HPSE2: variants seen among roughly 807,000 people sequenced by gnomAD.
HPSE2 encodes the protein heparanase 2 (inactive), also known as inactive heparanase-2.
Under a neutral mutation model 60.5 loss-of-function variants are expected in HPSE2, and 38 were observed. That is an observed-to-expected ratio of 0.63 (90% CI 0.48 to 0.82). The LOEUF (loss-of-function observed/expected upper bound fraction) is 0.82, where lower values mean the gene tolerates loss of function less well. Among genes scored for constraint, HPSE2 ranks in the 40% least tolerant of loss-of-function variants. The pLI, the probability that HPSE2 is intolerant of heterozygous loss-of-function variation, is 0.00. For synonymous variants in HPSE2, 295 were observed against 293.2 expected, an observed-to-expected ratio of 1.01 and a Z score of -0.06; for missense variants, 713 against 740.4, an observed-to-expected ratio of 0.96 and a Z score of 0.43.
chr10:98,759,270 T>C (rs1012354471), intron 3 of HPSE2, among the ~76,000 whole-genome samples: 1 of 152,052 alleles, frequency 6.6e-6, no homozygotes, highest in Non-Finnish European at 1.5e-5. Flanking sequence ...ATAATTTGTA[T>C]GCCAAATACT....
intron 3 of HPSE2, among the ~76,000 whole-genome samples, chr10:98,882,735 A>G (rs1953058637): frequency 6.6e-6 from 1 of 152,112 alleles, no homozygotes; most frequent in Non-Finnish European, 1.5e-5. Context: ...GGATAAATGT[A>G]AAATATTTTA....
At chr10:99,172,880 A>AAAG (rs145841727) in intron 2 of HPSE2, among the ~76,000 whole-genome samples, 1 of 151,992 alleles carries the variant, frequency 6.6e-6, no homozygotes, top group East Asian at 1.9e-4. Context: ...TGTCTCAAAA[A>AAAG]AAGAAGAAGA....
chr10:99,199,240 C>A (rs920368576), intron 2 of HPSE2, among the ~76,000 whole-genome samples: 1 of 152,086 alleles, frequency 6.6e-6, no homozygotes, highest in Non-Finnish European at 1.5e-5. Context: ...TTTTAAGGAA[C>A]TTCCATACTG....
intron 2 of HPSE2, among the ~76,000 whole-genome samples, chr10:99,208,025 ATAT>A (rs1165518642): frequency 8.1e-5 from 12 of 148,640 alleles, no homozygotes; most frequent in Non-Finnish European, 1.8e-4. Context: ...TAGTATAATT[ATAT>A]TATAATATAA....
intron 2 of HPSE2, among the ~76,000 whole-genome samples, chr10:99,199,821 C>CA (rs1051014835): frequency 1.3e-5 from 2 of 152,028 alleles, no homozygotes; most frequent in African/African-American, 4.8e-5. Context: ...AGAAAAACAA[C>CA]AGACATTGAG....
At chr10:98,745,363 A>C (rs1341922125) in intron 3 of HPSE2, among the ~76,000 whole-genome samples, 3 of 152,006 alleles carry the variant, frequency 2.0e-5, no homozygotes, top group Non-Finnish European at 2.9e-5. Context: ...ACTTACTATA[A>C]TCTCTGTACT....
chr10:98,531,163 TA>T (rs1943119788), intron 9 of HPSE2, among the ~76,000 whole-genome samples: 1 of 152,028 alleles, frequency 6.6e-6, no homozygotes, highest in African/African-American at 2.4e-5. Context: ...TCAAAAGCAA[TA>T]GGTGCTAAAA....
chr10:98,812,045 G>A (rs1394443485), intron 3 of HPSE2, among the ~76,000 whole-genome samples: 1 of 152,014 alleles, frequency 6.6e-6, no homozygotes, highest in Admixed American at 6.6e-5. Flanking sequence ...GTTAGTTCCA[G>A]CGACATTTTT....
chr10:98,650,551 TTGAG>T (rs893661709), intron 6 of HPSE2, among the ~76,000 whole-genome samples: 25 of 152,328 alleles, frequency 1.6e-4, no homozygotes, highest in Middle Eastern at 3.4e-3. Context: ...TTTGAATTGA[TTGAG>T]TGTCTACCAG....
chr10:98,742,323 ATTCTT>A (rs1215928027), intron 4 of HPSE2, among the ~76,000 whole-genome samples: 1 of 152,166 alleles, frequency 6.6e-6, no homozygotes, highest in Non-Finnish European at 1.5e-5. Context: ...TTGGACATTT[ATTCTT>A]TTCTTCCCTT....
chr10:98,712,484 C>A (rs1948698517), intron 5 of HPSE2, among the ~76,000 whole-genome samples: 2 of 152,002 alleles, frequency 1.3e-5, no homozygotes, highest in South Asian at 4.2e-4. Context: ...TTCATACCTA[C>A]CCATGCTTTG....
the HPSE2 span, among the ~76,000 whole-genome samples, chr10:99,313,275 T>C: frequency 0.027 from 4,159 of 152,260 alleles, 190 homozygotes; most frequent in African/African-American, 0.095. Context: ...TAGAAGCTGA[T>C]TTCAATGCTC....
At position 98,474,334 on chromosome 10, in the gene HPSE2, C is replaced by T. The variant is rs373625934; in HGVS notation, c.1613+8302G>A. Among the ~76,000 whole-genome samples, 14 of 152,114 alleles carry T rather than the reference C, an allele frequency of 9.2e-5. No individual in the cohort carries two copies. The East Asian group carries it at 1.2e-3, about 13-fold the overall frequency. On this transcript the variant is annotated intron_variant, in intron 11 of 11. Coordinates refer to ENST00000370552, the MANE Select transcript of HPSE2 (RefSeq NM_021828.5). ...AGGTATCATTAGTGAGAGATTGTGGCGGGTCAGGTGGGTGGCCAGTTCACC... is the reference window on the plus strand; with the variant it reads ...AGGTATCATTAGTGAGAGATTGTGGTGGGTCAGGTGGGTGGCCAGTTCACC...
At chr10:98,886,678 G>A (rs934751819) in intron 3 of HPSE2, among the ~76,000 whole-genome samples, 1 of 152,110 alleles carries the variant, frequency 6.6e-6, no homozygotes, top group Non-Finnish European at 1.5e-5. Flanking sequence ...AAGGCTTAGT[G>A]CAAAATACTG....
chr10:98,717,048 A>G (rs971060354), intron 5 of HPSE2, among the ~76,000 whole-genome samples: 1 of 152,104 alleles, frequency 6.6e-6, no homozygotes, highest in Non-Finnish European at 1.5e-5. Flanking sequence ...TCTAAGTTGC[A>G]TCTTCTGTAG....
At chr10:98,726,630 T>TATAATAATA (rs35016961) in intron 4 of HPSE2, among the ~76,000 whole-genome samples, 1,949 of 143,566 alleles carry the variant, frequency 0.014, 32 homozygotes, top group East Asian at 0.053. Context: ...AAACTTAAAG[T>TATAATAATA]ATAATAATAA....
At chr10:98,690,733 G>A (rs1002392342) in intron 6 of HPSE2, among the ~76,000 whole-genome samples, 4 of 151,150 alleles carry the variant, frequency 2.6e-5, no homozygotes, top group Admixed American at 1.3e-4. Context: ...GGGTTATTAT[G>A]ATACAAGCTA....
At chr10:99,079,190 G>T (rs1358779401) in intron 3 of HPSE2, among the ~76,000 whole-genome samples, 1 of 152,172 alleles carries the variant, frequency 6.6e-6, no homozygotes. Context: ...CCCCACAAGA[G>T]GCAAGAAAGA....
At chr10:98,616,412 G>A (rs567635647) in intron 8 of HPSE2, among the ~76,000 whole-genome samples, 14 of 152,152 alleles carry the variant, frequency 9.2e-5, no homozygotes, top group Admixed American at 5.2e-4. Flanking sequence ...TTAGATTCTC[G>A]GAACTTTGAG....
Sources: gnomAD v4.1 joint callset for allele counts (sites outside exome capture counted in the v4.1 genomes callset) on GRCh38, gnomAD v4.1.1 for gene constraint, MANE v1.5 for transcripts, NCBI Gene and HGNC (gene_info 2026-07-23, HGNC 2026-07-21) for gene names.